The following PAX8 variants were observed in gnomAD, a reference collection of about 807,000 sequenced individuals.
The protein encoded by PAX8 is paired box protein Pax-8.
A neutral mutation model predicts 52.4 loss-of-function variants in PAX8; 15 were observed. The observed-to-expected ratio is 0.29, with a 90% CI of 0.19 to 0.44. The LOEUF (loss-of-function observed/expected upper bound fraction) is 0.44, where lower values mean the gene tolerates loss of function less well. PAX8 is among the 20% of genes least tolerant of loss of function. The pLI is 1.00. For synonymous variants in PAX8, 284 were observed against 249.7 expected (o/e 1.14, Z -1.29); for missense variants, 554 against 602.5 (o/e 0.92, Z 0.84).
Position 113,246,815 on chromosome 2 carries a change from G to A in PAX8, c.130C>T (p.Pro44Ser). 6.2e-7 allele frequency: 1 copy of A among 1,614,220 alleles called. No individual in the cohort carries two copies. The highest frequency in any genetic ancestry group is 8.5e-7 in the Non-Finnish European group (1 of 1,180,028). Residue 44 changes from proline (P) to serine (S), a missense_variant, in exon 3 of 12, where the codon CCC becomes TCC. Physicochemically the swap from Pro to Ser is moderately conservative, Grantham distance 74 (BLOSUM62 -1). Around this residue, in one of 2 missense-constraint regions of PAX8, gnomAD observed 109 missense variants for 192.7 expected, o/e 0.57. Transcript: ENST00000429538. ...CGGAGCTGGCGAGAGATGTCGCAGG[G>A]CCTTACACCCTGGTGGGCCAGGTCT... ...IVDLAHQGVRPCDISRQLRVS... is the reference protein window; with the variant it reads ...IVDLAHQGVRSCDISRQLRVS...
At chr2:113,247,343 C>G (rs548055984) in intron 2 of PAX8, among the ~76,000 whole-genome samples, 7 of 152,320 alleles carry the variant, frequency 4.6e-5, no homozygotes, top group African/African-American at 1.7e-4. Context: ...TGTAAAATGA[C>G]GGCACAGGTG....
At chr2:113,259,847 C>G (rs1692536340) in intron 2 of PAX8, among the ~76,000 whole-genome samples, 1 of 152,214 alleles carries the variant, frequency 6.6e-6, no homozygotes. Context: ...GCATCGCACA[C>G]CAGGGCTGTG....
rs1573529995 is a variant in PAX8 at position 113,263,973 on chromosome 2, G to C, written c.25+14397C>G. ...AAGGAAGAAGGAGAGGAAAAAAGAA[G>C]AAAAGAAAGATCCATTTTACAAATA... On this transcript the variant is annotated intron_variant, in intron 2 of 11. Coordinates refer to ENST00000429538, the MANE Select transcript of PAX8 (RefSeq NM_003466.4). 2.6e-5 allele frequency among the ~76,000 whole-genome samples: 4 copies of C among 152,290 alleles called. 1 individual carries two copies. The highest frequency in any genetic ancestry group is 2.6e-4 in the Admixed American group (4 of 15,300).
intron 2 of PAX8, chr2:113,270,469 C>T (rs939034356): frequency 5.9e-5 from 9 of 152,216 alleles, no homozygotes; most frequent in Non-Finnish European, 1.2e-4. Context: ...TTGCCTTCTT[C>T]TTCTGCCTGC....
At chr2:113,235,704 TCA>T (rs1192596687) in intron 8 of PAX8, 122 bp from the exon 9 acceptor site, 12 of 741,010 alleles carry the variant, frequency 1.6e-5, no homozygotes, top group Non-Finnish European at 2.6e-5. Flanking sequence ...TCAGCTGCCC[TCA>T]GAGTCTGGGC....
At chr2:113,259,772 G>T (rs1692530447) in intron 2 of PAX8, among the ~76,000 whole-genome samples, 1 of 152,296 alleles carries the variant, frequency 6.6e-6, no homozygotes, top group East Asian at 1.9e-4. Context: ...CTCCCTGCAG[G>T]TTTACTAGAG....
Position 113,263,586 on chromosome 2 carries a change from A to G in PAX8, c.25+14784T>C, listed in dbSNP as rs1404258982. ...GCCCCATTTTATAGATAAAGATGCC[A>G]TCTCGGAGGCTCAAATGGCATGTGC... On this transcript the variant is annotated intron_variant, in intron 2 of 11. Coordinates refer to ENST00000429538, the MANE Select transcript of PAX8 (RefSeq NM_003466.4). 4.6e-5 allele frequency: 7 copies of G among 152,132 alleles called. No individual in the cohort carries two copies. The South Asian group carries it at 1.5e-3, about 32-fold the overall frequency. 9.4% of individuals were successfully genotyped at this position (152,132 alleles called of 1,614,324 possible).
intron 8 of PAX8, chr2:113,236,098 G>C (rs1690285027): frequency 4.6e-6 from 1 of 219,490 alleles, no homozygotes. Context: ...GCCTAGGACC[G>C]GAGGCGCGAC....
rs886637882 is a variant in PAX8 at position 113,227,044 on chromosome 2, C to T, written c.1189+111G>A. The stretch of plus-strand genomic sequence containing the variant: ...CCCTCTTTGGTCCATCCTTCAATGC[C>T]CTTTGGGAAGTCTATGAATAGGGCA... On this transcript the variant is annotated intron_variant, in intron 10 of 11. Coordinates refer to ENST00000429538, the MANE Select transcript of PAX8 (RefSeq NM_003466.4). 4 of 1,534,764 alleles carry T rather than the reference C, an allele frequency of 2.6e-6. No individual in the cohort carries two copies. The African/African-American group carries it at 5.5e-5, about 21-fold the overall frequency.
chr2:113,256,869 A>G (rs1054473986), intron 2 of PAX8, among the ~76,000 whole-genome samples: 2 of 152,122 alleles, frequency 1.3e-5, no homozygotes, highest in African/African-American at 4.8e-5. Flanking sequence ...TAAGTGTGCC[A>G]AGTGATCTAA....
intron 10 of PAX8, among the ~76,000 whole-genome samples, chr2:113,221,823 A>G (rs1417736434): frequency 6.6e-6 from 1 of 152,184 alleles, no homozygotes; most frequent in Non-Finnish European, 1.5e-5. Flanking sequence ...GAGAAAGGCT[A>G]CTGGATCCTC....
intron 10 of PAX8, among the ~76,000 whole-genome samples, chr2:113,221,605 T>C (rs1689276922): frequency 6.6e-6 from 1 of 152,244 alleles, no homozygotes; most frequent in African/African-American, 2.4e-5. Context: ...CTTAGCACCA[T>C]GCTTCAAATA....
intron 7 of PAX8, chr2:113,237,449 T>G (rs1690456095): frequency 6.6e-6 from 1 of 152,192 alleles, no homozygotes; most frequent in South Asian, 2.1e-4. Context: ...ACCCAGGTGC[T>G]TTACCCACCA....
intron 6 of PAX8, 136 bp from the exon 7 acceptor site, chr2:113,241,862 G>T: frequency 1.4e-6 from 2 of 1,423,250 alleles, no homozygotes; most frequent in Non-Finnish European, 2.0e-6. Context: ...CAGGAGCCTT[G>T]GCCAACTGAG....
At chr2:113,224,125 A>AAC (rs2104422948) in intron 10 of PAX8, among the ~76,000 whole-genome samples, 1 of 152,330 alleles carries the variant, frequency 6.6e-6, no homozygotes, top group South Asian at 2.1e-4. Context: ...GGAAAGACAG[A>AAC]TTAAAGGATA....
chr2:113,265,507 C>T (rs940804112), intron 2 of PAX8: 11 of 152,460 alleles, frequency 7.2e-5, no homozygotes, highest in African/African-American at 2.4e-4. Context: ...ACCTGCACAC[C>T]CTCCTGGGAC....
rs753079500 is a variant in PAX8, at chr2:113,218,492, G to C, written c.*41C>G. 6 of 1,246,720 alleles carry C rather than the reference G, an allele frequency of 4.8e-6. No individual in the cohort carries two copies. In the South Asian group the frequency reaches 8.4e-5, roughly 17 times the overall value. The allele number at this position is 1,246,720 out of a possible 1,614,324, so 77.2% of individuals were successfully genotyped here. On this transcript the variant is annotated 3_prime_UTR_variant, in exon 12 of 12. Coordinates refer to ENST00000429538, the MANE Select transcript of PAX8 (RefSeq NM_003466.4). Reference sequence around the variant, plus strand: ...CTCTCTGGGGCCTGTCCCAGGCTGAGTCCTCCTGTTGCTCAGTCGCTCCCA... The same window carrying C: ...CTCTCTGGGGCCTGTCCCAGGCTGACTCCTCCTGTTGCTCAGTCGCTCCCA...
At chr2:113,278,326 A>T in intron 2 of PAX8, 44 bp downstream of exon 2, 1 of 1,456,286 alleles carries the variant, frequency 6.9e-7, no homozygotes, top group Non-Finnish European at 9.6e-7. Flanking sequence ...ACGGACGCTC[A>T]GCGGCGCGGG....
chr2:113,236,830 G>A (rs1461296273), intron 7 of PAX8, 109 bp from the exon 8 acceptor site: 2 of 1,273,890 alleles, frequency 1.6e-6, no homozygotes, highest in East Asian at 2.6e-5. Context: ...CCCCAGGAGA[G>A]GTCCTCATCG....
Sources: allele counts gnomAD v4.1 joint callset (sites outside exome capture counted in the v4.1 genomes callset), GRCh38; gene constraint gnomAD v4.1.1; regional missense constraint gnomAD v4.1.1; transcripts MANE v1.5; gene names NCBI Gene and HGNC (gene_info 2026-07-23, HGNC 2026-07-21).